ITPR1: variants seen among roughly 807,000 people sequenced by gnomAD.
ITPR1 encodes inositol 1,4,5-trisphosphate receptor type 1, also known as inositol 1,4,5-trisphosphate-gated calcium channel ITPR1.
In ITPR1, 96 loss-of-function variants were observed where a neutral mutation model predicts 318.4. That is an observed-to-expected ratio of 0.30 (90% CI 0.26 to 0.36). ITPR1 has a LOEUF of 0.36. Ranked by LOEUF, ITPR1 falls within the 10% of genes least tolerant of loss-of-function variation. ITPR1 has a pLI of 1.00. For missense variants in ITPR1, 2,440 were observed against 3,460.2 expected, an observed-to-expected ratio of 0.71 and a Z score of 7.40; for synonymous variants, 1,312 against 1,289.9, an observed-to-expected ratio of 1.02 and a Z score of -0.37.
intron 60 of ITPR1, among the ~76,000 whole-genome samples, chr3:4,825,365 TG>T (rs1442716453): frequency 1.3e-5 from 2 of 152,202 alleles, no homozygotes; most frequent in Non-Finnish European, 2.9e-5. Context: ...CAGGAGGTGG[TG>T]GGGTGCTTTT....
At chr3:4,508,983 G>C (rs2081600390) in intron 2 of ITPR1, among the ~76,000 whole-genome samples, 1 of 152,216 alleles carries the variant, frequency 6.6e-6, no homozygotes, top group Non-Finnish European at 1.5e-5. Context: ...CATTCATCAA[G>C]TAGAGGAATC....
intron 35 of ITPR1, among the ~76,000 whole-genome samples, chr3:4,701,279 G>A (rs974916475): frequency 7.9e-5 from 12 of 152,218 alleles, no homozygotes; most frequent in Non-Finnish European, 1.6e-4. Context: ...TAATAGGGCA[G>A]GCGATAATGC....
In ITPR1 at chr3:4,557,672, TG is replaced by T. The variant is rs566090018; in HGVS notation, c.163+36579del. Among the ~76,000 whole-genome samples, 423 of 152,372 alleles carry T rather than the reference TG, an allele frequency of 2.8e-3. 1 individual carries two copies. Among genetic ancestry groups the T allele is most frequent in the African/African-American group, 9.7e-3 (402 of 41,582 alleles). ...TATTTCTTTAGCACTTGGCATTGTT[TG>T]TAAACTAATTGTTTGAGGTTTCTTT... On this transcript the variant is annotated intron_variant, in intron 4 of 61. Transcript: ENST00000649015.
chr3:4,612,238 A>G (rs1462660013), intron 4 of ITPR1, among the ~76,000 whole-genome samples: 3 of 151,580 alleles, frequency 2.0e-5, no homozygotes, highest in Non-Finnish European at 2.9e-5. Context: ...ATTTTTATAC[A>G]TTTAGTAGAG....
intron 37 of ITPR1, among the ~76,000 whole-genome samples, chr3:4,708,165 A>G (rs2094797877): frequency 6.6e-6 from 1 of 152,202 alleles, no homozygotes; most frequent in Admixed American, 6.5e-5. Flanking sequence ...AATAAAAGGG[A>G]GGGAAACAGC....
At chr3:4,725,319 C>G (rs1185071613) in intron 40 of ITPR1, among the ~76,000 whole-genome samples, 2 of 151,936 alleles carry the variant, frequency 1.3e-5, no homozygotes, top group South Asian at 4.2e-4. Flanking sequence ...AATGTGTTCC[C>G]CCATCGCAGG....
At chr3:4,562,840 G>C (rs577137694) in intron 4 of ITPR1, among the ~76,000 whole-genome samples, 1 of 152,058 alleles carries the variant, frequency 6.6e-6, no homozygotes, top group Non-Finnish European at 1.5e-5. Context: ...TTACATTCTA[G>C]TGGAGTGAGA....
intron 4 of ITPR1, among the ~76,000 whole-genome samples, chr3:4,584,813 G>T (rs2089718893): frequency 6.6e-6 from 1 of 152,152 alleles, no homozygotes; most frequent in African/African-American, 2.4e-5. Flanking sequence ...TTCATTTCTG[G>T]AGTGTAGGTG....
At chr3:4,791,615 T>TA (rs1381215350) in intron 52 of ITPR1, among the ~76,000 whole-genome samples, 1 of 152,166 alleles carries the variant, frequency 6.6e-6, no homozygotes, top group East Asian at 1.9e-4. Context: ...ACCCCTGCTA[T>TA]AAGGTACAGT....
intron 32 of ITPR1, among the ~76,000 whole-genome samples, chr3:4,692,708 C>G (rs1022157473): frequency 1.4e-4 from 22 of 152,046 alleles, no homozygotes; most frequent in African/African-American, 5.3e-4. Flanking sequence ...AGGAATGCCT[C>G]AACTTTTTGA....
At chr3:4,762,027 T>C (rs1261749676) in intron 44 of ITPR1, among the ~76,000 whole-genome samples, 1 of 150,862 alleles carries the variant, frequency 6.6e-6, no homozygotes, top group South Asian at 2.1e-4. Flanking sequence ...CTGCCTCCCT[T>C]CGCTCCAAGG....
At chr3:4,803,404 T>C in intron 54 of ITPR1, among the ~76,000 whole-genome samples, 1 of 152,182 alleles carries the variant, frequency 6.6e-6, no homozygotes, top group East Asian at 1.9e-4. Flanking sequence ...CACAAATGAT[T>C]GGGAGAAGAA....
intron 2 of ITPR1, among the ~76,000 whole-genome samples, chr3:4,499,804 C>A (rs1249263388): frequency 1.3e-5 from 2 of 152,114 alleles, no homozygotes; most frequent in Non-Finnish European, 2.9e-5. Flanking sequence ...AAGTTAGGTT[C>A]TTTTCTTTTT....
chr3:4,843,461 G>A (rs892423885), intron 61 of ITPR1, among the ~76,000 whole-genome samples: 3 of 152,148 alleles, frequency 2.0e-5, no homozygotes, highest in East Asian at 3.8e-4. Context: ...TCCCCAGACC[G>A]GCAACGTCTA....
chr3:4,643,477 G>A (rs896334498), intron 7 of ITPR1, among the ~76,000 whole-genome samples: 1 of 152,126 alleles, frequency 6.6e-6, no homozygotes, highest in African/African-American at 2.4e-5. Context: ...CAAAGAATAG[G>A]TGTAGACCCA....
chr3:4,627,893 G>A lies in ITPR1; in HGVS notation c.279+15G>A, dbSNP rs536328664. On this transcript the variant is annotated intron_variant, in intron 5 of 61. Transcript: ENST00000649015. ...ACAAACTGCACGTACGTATTGCCAT[G>A]GGGCTGTCGATGGGGCAGTAGTGAG... 7 of 1,558,192 alleles carry A rather than the reference G, an allele frequency of 4.5e-6. No individual in the cohort carries two copies. Among genetic ancestry groups the A allele is most frequent in the Non-Finnish European group, 4.4e-6 (5 of 1,132,384 alleles).
At chr3:4,634,035 A>G (rs1026026627) in intron 5 of ITPR1, among the ~76,000 whole-genome samples, 2 of 152,246 alleles carry the variant, frequency 1.3e-5, no homozygotes, top group Non-Finnish European at 1.5e-5. Flanking sequence ...ATGATGGGGC[A>G]GACCTTGATG....
At position 4,717,311 on chromosome 3, in the gene ITPR1, T is replaced by C; in HGVS notation, c.5104-56T>C. The C allele has an allele frequency of 3.5e-6, 5 of 1,427,470 alleles. No individual in the cohort carries two copies. The South Asian group carries it at 5.7e-5, about 16-fold the overall frequency. The allele number at this position is 1,427,470 out of a possible 1,614,324, so 88.4% of individuals were successfully genotyped here. On this transcript the variant is annotated intron_variant, in intron 39 of 61. Coordinates refer to ENST00000649015, the MANE Select transcript of ITPR1 (RefSeq NM_001378452.1). Reference sequence around the variant, plus strand: ...AGTAAAGTCTATAAACTTGGCTGGCTTGTATTTCCTTTCCTAACATTTCCT... The same window carrying C: ...AGTAAAGTCTATAAACTTGGCTGGCCTGTATTTCCTTTCCTAACATTTCCT...
At chr3:4,525,091 T>A (rs1416569387) in intron 4 of ITPR1, among the ~76,000 whole-genome samples, 1 of 152,188 alleles carries the variant, frequency 6.6e-6, no homozygotes, top group Non-Finnish European at 1.5e-5. Context: ...TTATTTTTTT[T>A]TTGTCTTCAA....
Sources: gnomAD v4.1 joint callset for allele counts (sites outside exome capture counted in the v4.1 genomes callset) on GRCh38, gnomAD v4.1.1 for gene constraint, MANE v1.5 for transcripts, NCBI Gene and HGNC (gene_info 2026-07-23, HGNC 2026-07-21) for gene names.